The following PRKAG2 variants were observed in gnomAD, a reference collection of about 807,000 sequenced individuals.
PRKAG2 encodes protein kinase AMP-activated non-catalytic subunit gamma 2.
A neutral mutation model predicts 69.6 loss-of-function variants in PRKAG2; 26 were observed. The observed-to-expected ratio is 0.37, with a 90% CI of 0.27 to 0.52. The LOEUF is 0.52. PRKAG2 is among the 20% of genes least tolerant of loss of function. The pLI, the probability that PRKAG2 is intolerant of heterozygous loss-of-function variation, is 0.90. For synonymous variants in PRKAG2, 293 were observed against 285.0 expected, an observed-to-expected ratio of 1.03 and a Z score of -0.28; for missense variants, 557 against 740.0, an observed-to-expected ratio of 0.75 and a Z score of 2.87.
At chr7:151,696,243 G>A (rs1458342640) in intron 3 of PRKAG2, among the ~76,000 whole-genome samples, 3 of 152,214 alleles carry the variant, frequency 2.0e-5, no homozygotes. Flanking sequence ...GCAGCTCACA[G>A]CACTTTCAGA....
chr7:151,721,738 G>A lies in PRKAG2; in HGVS notation c.467-46101C>T, dbSNP rs1312162478. 2.6e-5 allele frequency among the ~76,000 whole-genome samples: 4 copies of A among 152,174 alleles called. No individual in the cohort carries two copies. The East Asian group carries it at 7.7e-4, about 29-fold the overall frequency. On this transcript the variant is annotated intron_variant, in intron 3 of 15. Transcript: ENST00000287878. ...GATGTTTTGGCCTCGGATATTCACAGTGTCAGGCCAACGTCCCATCAAGCA... is the reference window on the plus strand; with the variant it reads ...GATGTTTTGGCCTCGGATATTCACAATGTCAGGCCAACGTCCCATCAAGCA...
chr7:151,859,395 C>T (rs1246681846), intron 1 of PRKAG2, among the ~76,000 whole-genome samples: 4 of 152,166 alleles, frequency 2.6e-5, no homozygotes, highest in Admixed American at 6.5e-5. Context: ...CTGCCAGCCC[C>T]GTGGAAAGGT....
At chr7:151,709,174 T>C (rs1455236397) in intron 3 of PRKAG2, among the ~76,000 whole-genome samples, 3 of 152,186 alleles carry the variant, frequency 2.0e-5, no homozygotes, top group African/African-American at 7.2e-5. Context: ...TGAGTGACAC[T>C]GTGACACCGA....
rs1018854652 is a variant in PRKAG2, at chr7:151,557,297, G to C, written c.1679-65C>G. 4.3e-6 allele frequency: 7 copies of C among 1,613,334 alleles called. No individual in the cohort carries two copies. The African/African-American group carries it at 8.0e-5, about 18-fold the overall frequency. On this transcript the variant is annotated intron_variant, in intron 15 of 15. Transcript: ENST00000287878. The stretch of plus-strand genomic sequence containing the variant: ...TAACAGCAGGGTTCTCTACCCCAGG[G>C]GTTTCTACCTGTGTCTGGCAGTGCC...
At chr7:151,843,639 AC>A (rs534344812) in intron 1 of PRKAG2, among the ~76,000 whole-genome samples, 1 of 152,358 alleles carries the variant, frequency 6.6e-6, no homozygotes, top group South Asian at 2.1e-4. Flanking sequence ...ATCTGGTATC[AC>A]ACAGCCTTAT....
In PRKAG2 at chr7:151,632,209, C is replaced by T. The variant is rs1219423955; in HGVS notation, c.685-71G>A. ...CGTCCCCGGCCGGCGGGCTCGCGGCCGGCCGAGCGCTGGGGCCTGGCTCTG... is the reference window on the plus strand; with the variant it reads ...CGTCCCCGGCCGGCGGGCTCGCGGCTGGCCGAGCGCTGGGGCCTGGCTCTG... On this transcript the variant is annotated intron_variant, in intron 4 of 15. Transcript: ENST00000287878. The surrounding 1 kb of genome is among the most constrained non-coding windows in gnomAD (Gnocchi z 4.2). 3.5e-6 allele frequency: 4 copies of T among 1,148,976 alleles called. No homozygotes were observed. Among genetic ancestry groups the T allele is most frequent in the African/African-American group, 3.3e-5 (2 of 61,042 alleles). The allele number at this position is 1,148,976 out of a possible 1,614,324, so 71.2% of individuals were successfully genotyped here. A position where few individuals can be genotyped will look rare whatever the true frequency, so the allele number is the denominator to read the frequency against.
intron 14 of PRKAG2, among the ~76,000 whole-genome samples, chr7:151,562,465 T>TTAA (rs137999193): frequency 0.35 from 52,223 of 149,394 alleles, 9,910 homozygotes; most frequent in African/African-American, 0.51. Context: ...TTGCTTTAGG[T>TTAA]TAATAATAAT....
In PRKAG2 at chr7:151,832,716, G is replaced by T. The variant is rs569085606; in HGVS notation, c.114+43791C>A. Among the ~76,000 whole-genome samples, 4 of 152,092 alleles carry T rather than the reference G, an allele frequency of 2.6e-5. No individual in the cohort carries two copies. The South Asian group carries it at 8.3e-4, about 32-fold the overall frequency. On this transcript the variant is annotated intron_variant, in intron 1 of 15. Coordinates refer to ENST00000287878, the MANE Select transcript of PRKAG2 (RefSeq NM_016203.4). The stretch of plus-strand genomic sequence containing the variant: ...GGGGCCGCTCTCGGGTACTCTCCAG[G>T]TGCTACCTGGGACTGAGGCGACAAA...
chr7:151,569,162 A>G (rs1282002065), intron 10 of PRKAG2, among the ~76,000 whole-genome samples: 1 of 152,000 alleles, frequency 6.6e-6, no homozygotes, highest in Non-Finnish European at 1.5e-5. Context: ...TGATCCTCCC[A>G]CCTCAGCCTA....
In PRKAG2 at chr7:151,777,323, G is replaced by A. The variant is rs916382032; in HGVS notation, c.466+3829C>T. ...CCGCTGAGATCCAGAGGGGCTGGGAGTCTTGGATCCACCTCTGATAGAGGT... is the reference window on the plus strand; with the variant it reads ...CCGCTGAGATCCAGAGGGGCTGGGAATCTTGGATCCACCTCTGATAGAGGT... On this transcript the variant is annotated intron_variant, in intron 3 of 15. Transcript: ENST00000287878. This position sits in a 1 kb window ranked among gnomAD's most constrained non-coding sequence, Gnocchi z 4.3. Among the ~76,000 whole-genome samples the A allele has an allele frequency of 3.9e-5, 6 of 152,242 alleles. No individual in the cohort carries two copies. Among genetic ancestry groups the A allele is most frequent in the African/African-American group, 1.4e-4 (6 of 41,462 alleles).
intron 3 of PRKAG2, among the ~76,000 whole-genome samples, chr7:151,751,429 A>AT (rs978707771): frequency 1.9e-4 from 29 of 150,812 alleles, no homozygotes; most frequent in African/African-American, 6.3e-4. Context: ...AAGATGCCAT[A>AT]TTTTTTTTAC....
At chr7:151,775,284 AT>A (rs1377592816) in intron 3 of PRKAG2, among the ~76,000 whole-genome samples, 5 of 151,618 alleles carry the variant, frequency 3.3e-5, no homozygotes, top group Non-Finnish European at 5.9e-5. Context: ...GCCCTGATTG[AT>A]TCAGGGATCC....
At chr7:151,774,551 A>C (rs2076242556) in intron 3 of PRKAG2, among the ~76,000 whole-genome samples, 1 of 152,238 alleles carries the variant, frequency 6.6e-6, no homozygotes, top group South Asian at 2.1e-4. Flanking sequence ...TCACACCTGT[A>C]ATCCCAGCAC....
rs186152568 is a variant in PRKAG2 at position 151,689,323 on chromosome 7, G to A, written c.467-13686C>T. ...CTCCCTCTGATCATCCAGGCTCACG[G>A]CTCTGGATGAGGCACAGGTGGGAAG... On this transcript the variant is annotated intron_variant, in intron 3 of 15. Transcript: ENST00000287878. 1.1e-4 allele frequency among the ~76,000 whole-genome samples: 16 copies of A among 152,290 alleles called. No homozygotes were observed. The East Asian group carries it at 2.3e-3, about 22-fold the overall frequency.
Position 151,876,865 on chromosome 7 carries a change from G to C in PRKAG2, c.-245C>G, listed in dbSNP as rs1367839169. On this transcript the variant is annotated 5_prime_UTR_variant, in exon 1 of 16. Coordinates refer to ENST00000287878, the MANE Select transcript of PRKAG2 (RefSeq NM_016203.4). ...AGGCAAATCAGTCAAAGCCCGTCCCGGTTCTGGTGTCTCCCCGGGTTACTC... is the reference window on the plus strand; with the variant it reads ...AGGCAAATCAGTCAAAGCCCGTCCCCGTTCTGGTGTCTCCCCGGGTTACTC... 1.7e-6 allele frequency: 1 copy of C among 572,806 alleles called. No homozygotes were observed. Among genetic ancestry groups the C allele is most frequent in the Non-Finnish European group, 3.1e-6 (1 of 319,710 alleles). The allele number at this position is 572,806 out of a possible 1,614,324, so 35.5% of individuals were successfully genotyped here. A position where few individuals can be genotyped will look rare whatever the true frequency, so the allele number is the denominator to read the frequency against.
At chr7:151,707,256 C>A (rs1252645947) in intron 3 of PRKAG2, among the ~76,000 whole-genome samples, 1 of 152,206 alleles carries the variant, frequency 6.6e-6, no homozygotes, top group African/African-American at 2.4e-5. Context: ...GGAGAATGAA[C>A]AGCAGTGTCC....
At chr7:151,730,978 G>C (rs1013802405) in intron 3 of PRKAG2, among the ~76,000 whole-genome samples, 2 of 152,198 alleles carry the variant, frequency 1.3e-5, no homozygotes, top group African/African-American at 2.4e-5. Flanking sequence ...TGAAACACCA[G>C]CTTCCTGACA....
At chr7:151,572,558 A>G in intron 9 of PRKAG2, 106 bp downstream of exon 9, 1 of 835,690 alleles carries the variant, frequency 1.2e-6, no homozygotes, top group Non-Finnish European at 2.0e-6. Flanking sequence ...TTTATATAAC[A>G]TTTTATGGAG....
rs150860748 is a variant in PRKAG2, at chr7:151,604,737, C to T, written c.755-9283G>A. On this transcript the variant is annotated intron_variant, in intron 5 of 15. Coordinates refer to ENST00000287878, the MANE Select transcript of PRKAG2 (RefSeq NM_016203.4). ...TTATTTTTTCCTTAATGCCCTGTGT[C>T]TGTCTCACGATCCCGTCCAGGATTC... is the stretch of plus-strand genomic sequence containing the variant. Among the ~76,000 whole-genome samples the T allele has an allele frequency of 2.4e-4, 36 of 152,290 alleles. No individual in the cohort carries two copies. The East Asian group carries it at 6.7e-3, about 29-fold the overall frequency.
Sources: allele counts gnomAD v4.1 joint callset (sites outside exome capture counted in the v4.1 genomes callset), GRCh38; gene constraint gnomAD v4.1.1; non-coding constraint Gnocchi (gnomAD v3.1); transcripts MANE v1.5; gene names NCBI Gene and HGNC (gene_info 2026-07-23, HGNC 2026-07-21).